The following FARS2 variants were observed in gnomAD, a reference collection of about 807,000 sequenced individuals.
FARS2 encodes the protein phenylalanyl-tRNA synthetase 2, mitochondrial, also known as phenylalanine--tRNA ligase, mitochondrial.
In FARS2, 40 loss-of-function variants were observed where a neutral mutation model predicts 46.4. That is an observed-to-expected ratio of 0.86 (90% CI 0.67 to 1.12). The LOEUF is 1.12. Among genes scored for constraint, FARS2 ranks in the 50% most tolerant of loss-of-function variants. FARS2 has a pLI of 0.00. For synonymous variants in FARS2, 234 were observed against 214.9 expected (o/e 1.09, Z -0.78); for missense variants, 513 against 567.9 (o/e 0.90, Z 0.98).
chr6:5,504,103 A>G (rs911862362), intron 4 of FARS2, among the ~76,000 whole-genome samples: 5 of 152,206 alleles, frequency 3.3e-5, no homozygotes, highest in Non-Finnish European at 1.5e-5. Context: ...GTGACAAATT[A>G]TAGGATGAGG....
rs567072820 is a variant in FARS2 at position 5,425,908 on chromosome 6, G to A, written c.773-5133G>A. 7.9e-5 allele frequency among the ~76,000 whole-genome samples: 12 copies of A among 152,260 alleles called. No homozygotes were observed. The South Asian group carries it at 2.3e-3, about 29-fold the overall frequency. ...TCTTTTCTTGAAACCACTGGGTGAG[G>A]GCAATCATTATCCACGGTGTAGAGA... On this transcript the variant is annotated intron_variant, in intron 3 of 6. Transcript: ENST00000274680.
intron 6 of FARS2, among the ~76,000 whole-genome samples, chr6:5,761,808 TAAAAAAA>T (rs79057006): frequency 9.4e-6 from 1 of 105,932 alleles, no homozygotes; most frequent in Non-Finnish European, 2.0e-5. Context: ...GTGGAGGATC[TAAAAAAA>T]AAAAAAAAAA....
chr6:5,341,222 T>TATATATAG (rs1771593108), intron 1 of FARS2, among the ~76,000 whole-genome samples: 1 of 7,264 alleles, frequency 1.4e-4, no homozygotes. Context: ...TATATATATA[T>TATATATAG]ATATATATAT....
At chr6:5,560,494 G>T (rs1582449018) in intron 5 of FARS2, among the ~76,000 whole-genome samples, 1 of 149,404 alleles carries the variant, frequency 6.7e-6, no homozygotes, top group Admixed American at 6.6e-5. Flanking sequence ...TTCTGACTTT[G>T]TGTTCAGGGG....
chr6:5,543,483 GC>G (rs1481268994), intron 4 of FARS2, among the ~76,000 whole-genome samples: 1 of 150,502 alleles, frequency 6.6e-6, no homozygotes, highest in Non-Finnish European at 1.5e-5. Flanking sequence ...TCTTGCCTCA[GC>G]CTCCCGAGTA....
At chr6:5,728,503 T>G (rs750262009) in intron 6 of FARS2, among the ~76,000 whole-genome samples, 1 of 152,172 alleles carries the variant, frequency 6.6e-6, no homozygotes, top group Non-Finnish European at 1.5e-5. Flanking sequence ...AAGGATGCCT[T>G]CTTCAAAATG....
intron 4 of FARS2, chr6:5,452,069 T>C (rs1033385044): frequency 3.3e-5 from 5 of 152,204 alleles, no homozygotes; most frequent in African/African-American, 1.2e-4. Context: ...GTGGCTGCAG[T>C]ATTATACTGA....
intron 4 of FARS2, among the ~76,000 whole-genome samples, chr6:5,520,593 A>G (rs1453479137): frequency 6.6e-6 from 1 of 152,090 alleles, no homozygotes; most frequent in African/African-American, 2.4e-5. Flanking sequence ...CCTGTTGTCT[A>G]CCCTCCTTCC....
Position 5,482,394 on chromosome 6 carries a change from C to T in FARS2, c.904+51222C>T, listed in dbSNP as rs192800361. On this transcript the variant is annotated intron_variant, in intron 4 of 6. Coordinates refer to ENST00000274680, the MANE Select transcript of FARS2 (RefSeq NM_006567.5). The stretch of plus-strand genomic sequence containing the variant: ...ATTAAATGAAGTAAGGTGAGGCATG[C>T]GGAACTCTACAAATGCCCACTTAAT... Among the ~76,000 whole-genome samples, 330 of 152,256 alleles carry T rather than the reference C, an allele frequency of 2.2e-3. 1 individual carries two copies. The highest frequency in any genetic ancestry group is 7.8e-3 in the African/African-American group (325 of 41,552).
At chr6:5,473,526 C>CAAAAAACAAAAA (rs1441528234) in intron 4 of FARS2, among the ~76,000 whole-genome samples, 6 of 21,798 alleles carry the variant, frequency 2.8e-4, no homozygotes, top group African/African-American at 1.2e-3. Context: ...GACTCTGTCT[C>CAAAAAACAAAAA]AAAAAACAAA....
At chr6:5,282,476 T>C (rs1187300470) in intron 1 of FARS2, among the ~76,000 whole-genome samples, 1 of 151,990 alleles carries the variant, frequency 6.6e-6, no homozygotes, top group Admixed American at 6.6e-5. Context: ...AGCCGGTGCA[T>C]ATGGGGAAGG....
At chr6:5,372,683 A>G (rs1486297353) in intron 2 of FARS2, among the ~76,000 whole-genome samples, 1 of 152,156 alleles carries the variant, frequency 6.6e-6, no homozygotes, top group East Asian at 1.9e-4. Context: ...CTGACCAGCA[A>G]TGAAAATACT....
intron 4 of FARS2, among the ~76,000 whole-genome samples, chr6:5,511,804 G>A (rs578197178): frequency 3.9e-5 from 6 of 152,210 alleles, no homozygotes; most frequent in African/African-American, 1.4e-4. Flanking sequence ...AGTCTCATAA[G>A]CACCCCTTTT....
At chr6:5,440,230 G>A (rs1486259150) in intron 4 of FARS2, among the ~76,000 whole-genome samples, 6 of 151,994 alleles carry the variant, frequency 3.9e-5, no homozygotes, top group Admixed American at 3.3e-4. Flanking sequence ...ATTTATAATT[G>A]TCAGATATAC....
At chr6:5,625,505 C>CCG (rs1338692950) in intron 6 of FARS2, among the ~76,000 whole-genome samples, 1 of 152,076 alleles carries the variant, frequency 6.6e-6, no homozygotes, top group Non-Finnish European at 1.5e-5. Context: ...AGGTCAGCCC[C>CCG]GGGGGGAGGG....
chr6:5,474,816 C>T (rs371439033), intron 4 of FARS2, among the ~76,000 whole-genome samples: 8 of 152,138 alleles, frequency 5.3e-5, no homozygotes, highest in East Asian at 3.9e-4. Context: ...CCCGCCACCA[C>T]GCCCAGCTAA....
chr6:5,475,214 G>A (rs533361335), intron 4 of FARS2, among the ~76,000 whole-genome samples: 44 of 152,286 alleles, frequency 2.9e-4, no homozygotes, highest in Admixed American at 1.4e-3. Flanking sequence ...TTCACTCATA[G>A]CCAATGGTTG....
intron 6 of FARS2, among the ~76,000 whole-genome samples, chr6:5,756,430 G>A (rs966796496): frequency 2.0e-5 from 3 of 152,168 alleles, no homozygotes; most frequent in Admixed American, 6.5e-5. Context: ...AAGCATGGCC[G>A]GGAGGCCTCA....
intron 4 of FARS2, among the ~76,000 whole-genome samples, chr6:5,515,480 G>A (rs1768729391): frequency 6.6e-6 from 1 of 152,104 alleles, no homozygotes; most frequent in Non-Finnish European, 1.5e-5. Context: ...CCAGGCTGGA[G>A]TGCAGTGATG....
Sources: allele counts gnomAD v4.1 joint callset (sites outside exome capture counted in the v4.1 genomes callset), GRCh38; gene constraint gnomAD v4.1.1; transcripts MANE v1.5; gene names NCBI Gene and HGNC (gene_info 2026-07-23, HGNC 2026-07-21).